KIAA1328: variants seen among roughly 807,000 people sequenced by gnomAD.
KIAA1328 encodes the protein KIAA1328.
Under a neutral mutation model 68.1 loss-of-function variants are expected in KIAA1328, and 52 were observed. The ratio of observed to expected loss-of-function variants is 0.76; its 90% CI spans 0.61 to 0.96. The LOEUF (loss-of-function observed/expected upper bound fraction) is 0.96. Ranked by LOEUF, KIAA1328 falls within the 40% of genes least tolerant of loss-of-function variation. The pLI is 0.00. For synonymous variants in KIAA1328, 232 were observed against 239.4 expected, an observed-to-expected ratio of 0.97 and a Z score of 0.28; for missense variants, 641 against 677.6, an observed-to-expected ratio of 0.95 and a Z score of 0.60.
At chr18:37,145,276 TTTTTA>T (rs2058871171) in intron 7 of KIAA1328, among the ~76,000 whole-genome samples, 1 of 152,348 alleles carries the variant, frequency 6.6e-6, no homozygotes, top group African/African-American at 2.4e-5. Flanking sequence ...TTCTAGATTT[TTTTTA>T]TTTTTAGTTT....
At position 37,067,259 on chromosome 18, in the gene KIAA1328, C is replaced by A; in HGVS notation, c.946C>A (p.His316Asn). ...TCATAGACTTGCTGCAGATCGTGTTCATGACAGCCATCCTACAAACATGAC... is the reference window on the plus strand; with the variant it reads ...TCATAGACTTGCTGCAGATCGTGTTAATGACAGCCATCCTACAAACATGAC... ...CGHRLAADRV[H>N]DSHPTNMTPQ... Residue 316 changes from histidine (H) to asparagine (N), a missense_variant, in exon 7 of 10, where the codon CAT becomes AAT. Coordinates refer to ENST00000280020, the MANE Select transcript of KIAA1328 (RefSeq NM_020776.3). 6.2e-7 allele frequency: 1 copy of A among 1,614,010 alleles called. No homozygotes were observed. The highest frequency in any genetic ancestry group is 1.1e-5 in the South Asian group (1 of 91,074).
intron 5 of KIAA1328, among the ~76,000 whole-genome samples, chr18:36,918,172 C>CT (rs1491141652): frequency 6.6e-6 from 1 of 152,000 alleles, no homozygotes; most frequent in African/African-American, 2.4e-5. Flanking sequence ...TATTCCCCCC[C>CT]TTTTTTGTAT....
intron 6 of KIAA1328, among the ~76,000 whole-genome samples, chr18:36,968,488 A>T (rs1034552386): frequency 2.0e-5 from 3 of 152,132 alleles, no homozygotes; most frequent in Non-Finnish European, 4.4e-5. Context: ...GACAAAACAG[A>T]CTTTAAACAT....
intron 5 of KIAA1328, among the ~76,000 whole-genome samples, chr18:36,903,146 C>T (rs2151038318): frequency 6.6e-6 from 1 of 152,086 alleles, no homozygotes; most frequent in South Asian, 2.1e-4. Context: ...TTGCTTCATT[C>T]CCAAATCATC....
intron 9 of KIAA1328, among the ~76,000 whole-genome samples, chr18:37,189,339 G>T (rs2059861508): frequency 6.6e-6 from 1 of 151,946 alleles, no homozygotes; most frequent in Non-Finnish European, 1.5e-5. Context: ...AGCAAACATG[G>T]TGGGAAAAAA....
intron 6 of KIAA1328, among the ~76,000 whole-genome samples, chr18:37,062,764 A>AT (rs2056202498): frequency 6.6e-6 from 1 of 152,056 alleles, no homozygotes; most frequent in African/African-American, 2.4e-5. Flanking sequence ...CAATAGATGC[A>AT]TTTTTTAATC....
intron 6 of KIAA1328, among the ~76,000 whole-genome samples, chr18:37,024,417 G>A (rs912928809): frequency 1.3e-5 from 2 of 150,908 alleles, no homozygotes; most frequent in African/African-American, 2.4e-5. Context: ...TAGGGCACAC[G>A]TGCACAATGT....
intron 4 of KIAA1328, among the ~76,000 whole-genome samples, chr18:36,854,490 CTTT>C (rs768508532): frequency 1.6e-4 from 24 of 152,078 alleles, no homozygotes; most frequent in Non-Finnish European, 3.1e-4. Context: ...TACCAGTTTT[CTTT>C]ATTTCTTTGG....
At chr18:36,883,888 T>G (rs2048401149) in intron 4 of KIAA1328, among the ~76,000 whole-genome samples, 1 of 150,782 alleles carries the variant, frequency 6.6e-6, no homozygotes, top group Non-Finnish European at 1.5e-5. Context: ...ATGGTATGTC[T>G]TGTTCCGTGA....
rs571507873 is a variant in KIAA1328 at position 37,123,750 on chromosome 18, G to A, written c.1233-36450G>A. ...CTTTTCTTTCAAGAAAATGATCTTT[G>A]GTCTAGAAAGAGTGGAACAACCGTT... is the stretch of plus-strand genomic sequence containing the variant. On this transcript the variant is annotated intron_variant, in intron 7 of 9. Transcript: ENST00000280020. Among the ~76,000 whole-genome samples the A allele has an allele frequency of 9.2e-5, 14 of 152,178 alleles. No homozygotes were observed. The South Asian group carries it at 2.1e-3, about 23-fold the overall frequency.
intron 7 of KIAA1328, among the ~76,000 whole-genome samples, chr18:37,088,746 A>T (rs2057179501): frequency 6.6e-6 from 1 of 152,008 alleles, no homozygotes; most frequent in Non-Finnish European, 1.5e-5. Context: ...TTTCTTATTT[A>T]TTCATGAGTA....
chr18:37,004,160 TG>T (rs1294685867), intron 6 of KIAA1328, among the ~76,000 whole-genome samples: 2 of 152,120 alleles, frequency 1.3e-5, no homozygotes, highest in African/African-American at 2.4e-5. Flanking sequence ...GCATTGAATT[TG>T]TAGATTGTTT....
chr18:36,840,511 A>G (rs2046824775), intron 3 of KIAA1328, among the ~76,000 whole-genome samples: 2 of 146,644 alleles, frequency 1.4e-5, no homozygotes, highest in Non-Finnish European at 3.0e-5. Context: ...GTACAGTGGC[A>G]TGGTCTCGGC....
chr18:37,180,058 CCACACACACACACACACACACACA>C (rs139301794), intron 9 of KIAA1328, among the ~76,000 whole-genome samples: 13 of 134,062 alleles, frequency 9.7e-5, no homozygotes, highest in African/African-American at 3.2e-4. Flanking sequence ...GATTCAAAAG[CCACACACACACACACACACACACA>C]CACACACACA....
At chr18:37,158,175 G>A (rs1227488232) in intron 7 of KIAA1328, among the ~76,000 whole-genome samples, 3 of 151,966 alleles carry the variant, frequency 2.0e-5, no homozygotes, top group Non-Finnish European at 4.4e-5. Flanking sequence ...TGGAACTATA[G>A]GCACATGCCA....
At position 37,071,057 on chromosome 18, in the gene KIAA1328, CTTTTTTTTTTT is replaced by C. The variant is rs58722044; in HGVS notation, c.1232+3529_1232+3539del. Among the ~76,000 whole-genome samples the C allele has an allele frequency of 6.9e-5, 6 of 86,836 alleles. No individual in the cohort carries two copies. In the South Asian group the frequency reaches 1.2e-3, roughly 17 times the overall value. The allele number at this position is 86,836 out of a possible 152,430, so 57.0% of individuals were successfully genotyped here. On this transcript the variant is annotated intron_variant, in intron 7 of 9. Transcript: ENST00000280020. ...TTTTTTGTTTTTGATTTTTTTCTTC[CTTTTTTTTTTT>C]TTTTTTTTTTTTTTTTGGTTTGACA...
chr18:36,843,663 T>A (rs1485763814), intron 3 of KIAA1328, among the ~76,000 whole-genome samples: 1 of 152,182 alleles, frequency 6.6e-6, no homozygotes, highest in African/African-American at 2.4e-5. Flanking sequence ...TAATACTTAA[T>A]AGCGTTGTTG....
intron 6 of KIAA1328, among the ~76,000 whole-genome samples, chr18:37,031,053 G>A (rs2054807746): frequency 6.6e-6 from 1 of 152,146 alleles, no homozygotes; most frequent in South Asian, 2.1e-4. Context: ...TGGTGTATAT[G>A]TGCCACATTT....
chr18:37,164,575 T>C (rs1229577513), intron 8 of KIAA1328, among the ~76,000 whole-genome samples: 1 of 151,986 alleles, frequency 6.6e-6, no homozygotes, highest in Non-Finnish European at 1.5e-5. Context: ...TGAAATCCTG[T>C]CTCTACTAAA....
Sources: allele counts gnomAD v4.1 joint callset (sites outside exome capture counted in the v4.1 genomes callset), GRCh38; gene constraint gnomAD v4.1.1; transcripts MANE v1.5; gene names NCBI Gene and HGNC (gene_info 2026-07-23, HGNC 2026-07-21).